NKD1: variants seen among roughly 807,000 people sequenced by gnomAD.
NKD1 encodes NKD inhibitor of Wnt signaling pathway 1, also known as protein naked cuticle homolog 1.
NKD1 carries 21 observed loss-of-function variants against 56.0 expected under a neutral mutation model. That is an observed-to-expected ratio of 0.38 (90% CI 0.27 to 0.54). The LOEUF (loss-of-function observed/expected upper bound fraction) is 0.54, where lower values mean the gene tolerates loss of function less well. NKD1 is among the 20% of genes least tolerant of loss of function. NKD1 has a pLI of 0.82. For missense variants in NKD1, 578 were observed against 642.7 expected, an observed-to-expected ratio of 0.90 and a Z score of 1.09; for synonymous variants, 263 against 265.7, an observed-to-expected ratio of 0.99 and a Z score of 0.10.
chr16:50,614,580 T>G (rs1378895310), intron 4 of NKD1, among the ~76,000 whole-genome samples: 2 of 152,120 alleles, frequency 1.3e-5, no homozygotes, highest in East Asian at 3.9e-4. Flanking sequence ...CAGGGGTTCT[T>G]GCACATGTTG....
intron 3 of NKD1, among the ~76,000 whole-genome samples, chr16:50,593,378 C>T (rs1447297763): frequency 6.6e-6 from 1 of 152,156 alleles, no homozygotes; most frequent in Non-Finnish European, 1.5e-5. Flanking sequence ...TGTCAGGACC[C>T]CTTTTGCATC....
intron 3 of NKD1, among the ~76,000 whole-genome samples, chr16:50,573,662 G>T (rs887260393): frequency 2.0e-5 from 3 of 152,194 alleles, no homozygotes; most frequent in South Asian, 2.1e-4. Flanking sequence ...GAGGAGGGTC[G>T]CACCCTCTCT....
chr16:50,571,668 C>CTG (rs1596712803), intron 3 of NKD1: 1 of 304,382 alleles, frequency 3.3e-6, no homozygotes, highest in Non-Finnish European at 4.8e-6. Flanking sequence ...ATCTATGACT[C>CTG]TGTGAATCTC....
rs1050093885 is a variant in NKD1, at chr16:50,638,015, T to A, written c.*4234T>A. 3 of 152,112 alleles carry A rather than the reference T, an allele frequency of 2.0e-5. No individual in the cohort carries two copies. Among genetic ancestry groups the A allele is most frequent in the Non-Finnish European group, 2.9e-5 (2 of 68,026 alleles). 9.4% of individuals were successfully genotyped at this position (152,112 alleles called of 1,614,324 possible). A position where few individuals can be genotyped will look rare whatever the true frequency, so the allele number is the denominator to read the frequency against. On this transcript the variant is annotated 3_prime_UTR_variant, in exon 10 of 10. Coordinates refer to ENST00000268459, the MANE Select transcript of NKD1 (RefSeq NM_033119.5). The stretch of plus-strand genomic sequence containing the variant: ...CACATCCAGCCATGCTAATTACACT[T>A]TTTGGCAAAGGAAACAGCTAGGAGC...
At chr16:50,607,155 G>A in intron 3 of NKD1, 1 of 365,404 alleles carries the variant, frequency 2.7e-6, no homozygotes, top group Non-Finnish European at 5.4e-6. Context: ...TAATGCCCTA[G>A]AAAGATTTGA....
chr16:50,611,339 T>C (rs1961842520), intron 4 of NKD1, among the ~76,000 whole-genome samples: 1 of 129,628 alleles, frequency 7.7e-6, no homozygotes, highest in African/African-American at 4.4e-5. Context: ...ATTTCTCCAC[T>C]CTCCGGCATC....
rs892861226 is a variant in NKD1, at chr16:50,549,519, G to A, written c.156G>A (p.Gln52=). Residue 52 remains glutamine, a synonymous_variant, in exon 3 of 10, where the codon CAG becomes CAA. Coordinates refer to ENST00000268459, the MANE Select transcript of NKD1 (RefSeq NM_033119.5). ...CGGGCGGTGTCTCGGGACCCCGACA[G>A]CTGCGGTTGGCGGGCACCATAGGCC... The part of the protein sequence containing the change: ...RCPGGVSGPR[Q]LRLAGTIGRS... 1 of 1,607,446 alleles carries A rather than the reference G, an allele frequency of 6.2e-7. No homozygotes were observed. Among genetic ancestry groups the A allele is most frequent in the South Asian group, 1.1e-5 (1 of 90,640 alleles).
intron 3 of NKD1, chr16:50,607,257 G>A (rs1961732938): frequency 6.0e-6 from 2 of 332,764 alleles, no homozygotes; most frequent in Non-Finnish European, 1.2e-5. Context: ...GCTGTGTCCA[G>A]TTGATGAGAT....
At chr16:50,616,134 G>A (rs769227993) in intron 4 of NKD1, 6 of 452,604 alleles carry the variant, frequency 1.3e-5, no homozygotes, top group East Asian at 7.0e-5. Context: ...GTACGTGGAC[G>A]ATTGAGAAAG....
chr16:50,592,580 C>T (rs907415154), intron 3 of NKD1, among the ~76,000 whole-genome samples: 9 of 152,204 alleles, frequency 5.9e-5, no homozygotes, highest in East Asian at 5.8e-4. Context: ...CTGTCCTCAA[C>T]GAGTTTAGCC....
Position 50,625,465 on chromosome 16 carries a change from G to T in NKD1, c.367-20G>T, listed in dbSNP as rs201571745. 1 of 1,569,772 alleles carries T rather than the reference G, an allele frequency of 6.4e-7. No individual in the cohort carries two copies. Among genetic ancestry groups the T allele is most frequent in the Non-Finnish European group, 8.8e-7 (1 of 1,140,698 alleles). On this transcript the variant is annotated intron_variant, in intron 5 of 9. Coordinates refer to ENST00000268459, the MANE Select transcript of NKD1 (RefSeq NM_033119.5). ...TTGCCACAGATAGGGGACCAGCCCC[G>T]CCCATCTCTCTGCATCCAGGAGCTC...
intron 3 of NKD1, among the ~76,000 whole-genome samples, chr16:50,590,049 T>C (rs1961330629): frequency 6.6e-6 from 1 of 152,088 alleles, no homozygotes; most frequent in African/African-American, 2.4e-5. Context: ...CTTGCTATGA[T>C]TCCCAGGCTG....
At chr16:50,554,602 A>G (rs192376683) in intron 3 of NKD1, among the ~76,000 whole-genome samples, 2 of 152,118 alleles carry the variant, frequency 1.3e-5, no homozygotes, top group East Asian at 3.9e-4. Context: ...AGCTTAATGA[A>G]TTAGTATAAA....
chr16:50,610,707 C>G (rs187773681), intron 4 of NKD1, among the ~76,000 whole-genome samples: 2 of 152,184 alleles, frequency 1.3e-5, no homozygotes, highest in Non-Finnish European at 2.9e-5. Flanking sequence ...TTTTAGCCAT[C>G]CCAGGAGAGG....
intron 3 of NKD1, among the ~76,000 whole-genome samples, chr16:50,561,683 T>C (rs546393786): frequency 1.3e-5 from 2 of 152,258 alleles, no homozygotes; most frequent in African/African-American, 4.8e-5. Context: ...CCCAAGAGTA[T>C]AGAAGCAAAA....
intron 3 of NKD1, among the ~76,000 whole-genome samples, chr16:50,551,549 C>T (rs550778572): frequency 2.0e-5 from 3 of 152,154 alleles, no homozygotes; most frequent in Non-Finnish European, 2.9e-5. Flanking sequence ...GGGACCCAGA[C>T]GCCTGGGTTT....
chr16:50,610,647 TGTTTAAGAGAGAAA>T (rs1305649108), intron 4 of NKD1, among the ~76,000 whole-genome samples: 1 of 152,214 alleles, frequency 6.6e-6, no homozygotes, highest in Non-Finnish European at 1.5e-5. Context: ...GCTGGAGAGC[TGTTTAAGAGAGAAA>T]AAAGGCCATC....
At chr16:50,574,653 CA>C (rs1456442798) in intron 3 of NKD1, 2 of 985,408 alleles carry the variant, frequency 2.0e-6, no homozygotes, top group Non-Finnish European at 2.4e-6. Context: ...TGCCAGGAGC[CA>C]GGGGGTCCCC....
At chr16:50,616,054 G>A in intron 4 of NKD1, 1 of 455,792 alleles carries the variant, frequency 2.2e-6, no homozygotes, top group Non-Finnish European at 4.4e-6. Flanking sequence ...AACAGCTGCT[G>A]TCAGAAGGTT....
Sources: allele counts gnomAD v4.1 joint callset (sites outside exome capture counted in the v4.1 genomes callset), GRCh38; gene constraint gnomAD v4.1.1; transcripts MANE v1.5; gene names NCBI Gene and HGNC (gene_info 2026-07-23, HGNC 2026-07-21).